Variants in SMYD3 observed in about 807,000 individuals in gnomAD.
The protein encoded by SMYD3 is SET and MYND domain containing 3, also known as histone-lysine N-methyltransferase SMYD3.
A neutral mutation model predicts 57.7 loss-of-function variants in SMYD3; 36 were observed. The ratio of observed to expected loss-of-function variants is 0.62; its 90% CI spans 0.48 to 0.82. The LOEUF (loss-of-function observed/expected upper bound fraction) is 0.82. Ranked by LOEUF, SMYD3 falls within the 40% of genes least tolerant of loss-of-function variation. The pLI, the probability that SMYD3 is intolerant of heterozygous loss-of-function variation, is 0.00. For missense variants in SMYD3, 515 were observed against 538.8 expected (o/e 0.96, Z 0.44); for synonymous variants, 211 against 195.0 (o/e 1.08, Z -0.68).
chr1:246,426,248 G>A (rs530143504), intron 1 of SMYD3: 29 of 152,142 alleles, frequency 1.9e-4, no homozygotes, highest in African/African-American at 7.0e-4. Flanking sequence ...CGACTTTATT[G>A]AGAAATCATT....
At chr1:245,819,377 TG>T (rs2049028311) in intron 10 of SMYD3, among the ~76,000 whole-genome samples, 1 of 98,842 alleles carries the variant, frequency 1.0e-5, no homozygotes, top group African/African-American at 3.4e-5. Context: ...CCAGAATCTC[TG>T]GGACGCATTC....
intron 8 of SMYD3, among the ~76,000 whole-genome samples, chr1:245,895,655 CA>C (rs1470761188): frequency 2.0e-5 from 3 of 152,238 alleles, no homozygotes; most frequent in African/African-American, 4.8e-5. Flanking sequence ...CTTCTTCAGA[CA>C]ATCATTGTTT....
intron 5 of SMYD3, among the ~76,000 whole-genome samples, chr1:246,227,719 G>A (rs1446683685): frequency 1.3e-5 from 2 of 151,998 alleles, no homozygotes; most frequent in African/African-American, 4.8e-5. Flanking sequence ...GGAGAACTGG[G>A]TCCTTTTAGC....
chr1:245,964,228 G>A (rs1456476154), intron 5 of SMYD3, among the ~76,000 whole-genome samples: 1 of 152,092 alleles, frequency 6.6e-6, no homozygotes, highest in Non-Finnish European at 1.5e-5. Flanking sequence ...TCACCAAGGG[G>A]AAGGCACCAC....
chr1:246,082,762 T>C (rs1217808503), intron 5 of SMYD3, among the ~76,000 whole-genome samples: 1 of 152,162 alleles, frequency 6.6e-6, no homozygotes, highest in Non-Finnish European at 1.5e-5. Flanking sequence ...TCCATTTTGT[T>C]CTGTACTAAG....
rs186133957 is a variant in SMYD3, at chr1:245,993,482, C to T, written c.532-63545G>A. On this transcript the variant is annotated intron_variant, in intron 5 of 11. Transcript: ENST00000490107. ...AAGCATGGTGGTGCTCACCTATAAT[C>T]GCAGCTACTAGAGAGGCTGAGGTGG... Among the ~76,000 whole-genome samples, 542 of 152,030 alleles carry T rather than the reference C, an allele frequency of 3.6e-3. 4 individuals are homozygous for T. The highest frequency in any genetic ancestry group is 0.012 in the African/African-American group (489 of 41,454).
chr1:246,469,427 C>T (rs1270810968), intron 1 of SMYD3, among the ~76,000 whole-genome samples: 1 of 152,124 alleles, frequency 6.6e-6, no homozygotes, highest in African/African-American at 2.4e-5. Flanking sequence ...ACAACATAAG[C>T]CTGGAACATT....
chr1:246,410,589 A>T (rs2066948709), intron 1 of SMYD3, among the ~76,000 whole-genome samples: 3 of 152,046 alleles, frequency 2.0e-5, no homozygotes, highest in African/African-American at 7.3e-5. Flanking sequence ...TTTATTGAGG[A>T]TTTTTGCATC....
intron 5 of SMYD3, among the ~76,000 whole-genome samples, chr1:246,306,679 T>C (rs979909754): frequency 2.0e-5 from 3 of 152,208 alleles, no homozygotes; most frequent in Admixed American, 2.0e-4. Context: ...ATTGTAAAAC[T>C]CTGCACTACA....
intron 10 of SMYD3, among the ~76,000 whole-genome samples, chr1:245,807,813 G>GGAAAAAAAAAAA (rs1553328805): frequency 9.0e-6 from 1 of 111,704 alleles, no homozygotes; most frequent in African/African-American, 3.3e-5. Context: ...ATTTCCCAGG[G>GGAAAAAAAAAAA]AAAAAAAAAA....
chr1:246,500,461 G>A (rs1007845841), intron 1 of SMYD3, among the ~76,000 whole-genome samples: 19 of 152,124 alleles, frequency 1.2e-4, no homozygotes, highest in Non-Finnish European at 2.4e-4. Flanking sequence ...TTACACACAG[G>A]GAAGACAAAT....
chr1:245,938,271 T>C (rs2057064288), intron 5 of SMYD3, among the ~76,000 whole-genome samples: 1 of 151,798 alleles, frequency 6.6e-6, no homozygotes, highest in Non-Finnish European at 1.5e-5. Flanking sequence ...CGCATGAAGG[T>C]ATTTTGGGGA....
At chr1:246,460,934 G>A (rs531147500) in intron 1 of SMYD3, among the ~76,000 whole-genome samples, 1 of 152,186 alleles carries the variant, frequency 6.6e-6, no homozygotes, top group Non-Finnish European at 1.5e-5. Context: ...ATGCTGTCTG[G>A]GCTAAATAAA....
intron 7 of SMYD3, 70 bp from the exon 8 acceptor site, chr1:245,915,710 T>C (rs1205482871): frequency 2.1e-6 from 2 of 941,722 alleles, no homozygotes; most frequent in Non-Finnish European, 3.2e-6. Context: ...ATGGTTATTA[T>C]TATTGCTAAT....
chr1:246,081,377 GTT>G (rs937111315), intron 5 of SMYD3, among the ~76,000 whole-genome samples: 3 of 152,084 alleles, frequency 2.0e-5, no homozygotes, highest in African/African-American at 7.2e-5. Flanking sequence ...TTTTGTTGTT[GTT>G]TGTTTCTAGT....
At chr1:246,164,422 G>T (rs970170337) in intron 5 of SMYD3, among the ~76,000 whole-genome samples, 1 of 151,936 alleles carries the variant, frequency 6.6e-6, no homozygotes, top group Non-Finnish European at 1.5e-5. Context: ...TCCGTCTCAA[G>T]AAATAAATAA....
At chr1:246,041,515 A>T (rs146379730) in intron 5 of SMYD3, among the ~76,000 whole-genome samples, 3 of 152,340 alleles carry the variant, frequency 2.0e-5, no homozygotes, top group Admixed American at 6.5e-5. Context: ...GTGAAAGGAA[A>T]GTCTCTGTGT....
At chr1:246,328,087 G>A (rs1162637726) in intron 4 of SMYD3, among the ~76,000 whole-genome samples, 4 of 152,014 alleles carry the variant, frequency 2.6e-5, no homozygotes, top group Non-Finnish European at 4.4e-5. Flanking sequence ...CCAGCTACTC[G>A]GGAGGCTGAG....
chr1:245,937,048 T>A (rs1394887649), intron 5 of SMYD3, among the ~76,000 whole-genome samples: 2 of 152,186 alleles, frequency 1.3e-5, no homozygotes, highest in Non-Finnish European at 2.9e-5. Context: ...GAAAACTCTT[T>A]ATCCCACCAC....
Sources: gnomAD v4.1 joint callset for allele counts (sites outside exome capture counted in the v4.1 genomes callset) on GRCh38, gnomAD v4.1.1 for gene constraint, MANE v1.5 for transcripts, NCBI Gene and HGNC (gene_info 2026-07-23, HGNC 2026-07-21) for gene names.